Variants in ZRANB3 observed in about 807,000 individuals in gnomAD.
ZRANB3 encodes zinc finger RANBP2-type containing 3, also known as DNA annealing helicase and endonuclease ZRANB3.
Under a neutral mutation model 133.8 loss-of-function variants are expected in ZRANB3, and 125 were observed. That is an observed-to-expected ratio of 0.93 (90% confidence interval 0.81 to 1.08). The LOEUF (loss-of-function observed/expected upper bound fraction) is 1.08. Among genes scored for constraint, ZRANB3 ranks in the 50% least tolerant of loss-of-function variants. ZRANB3 has a pLI of 0.00. For missense variants in ZRANB3, 1,229 were observed against 1,275.5 expected, an observed-to-expected ratio of 0.96 and a Z score of 0.56; for synonymous variants, 387 against 432.7, an observed-to-expected ratio of 0.89 and a Z score of 1.31.
chr2:135,339,425 AC>A lies in ZRANB3; in HGVS notation c.677+6124del, dbSNP rs1573937372. ...TCTGAAAAAAAAAACAACAAAAAAA[AC>A]AAAGAATTAGCCAGACATGGTAGTG... On this transcript the variant is annotated intron_variant, in intron 6 of 20. Transcript: ENST00000264159. Among the ~76,000 whole-genome samples the A allele has an allele frequency of 2.0e-5, 3 of 151,836 alleles. No individual in the cohort carries two copies. The South Asian group carries it at 6.2e-4, about 32-fold the overall frequency.
At position 135,242,086 on chromosome 2, in the gene ZRANB3, C is replaced by T. The variant is rs768557887; in HGVS notation, c.1540-11159G>A. The stretch of plus-strand genomic sequence containing the variant: ...TCCAGCTTCTTGGGAGGCTGAGGCA[C>T]GAGAATCGCTTGAACTCAGGAAGCA... On this transcript the variant is annotated intron_variant, in intron 12 of 20. Transcript: ENST00000264159. Among the ~76,000 whole-genome samples, 3 of 151,608 alleles carry T rather than the reference C, an allele frequency of 2.0e-5. No individual in the cohort carries two copies. In the South Asian group the frequency reaches 6.2e-4, roughly 32 times the overall value.
chr2:135,205,273 A>G (rs1314155631), intron 19 of ZRANB3, among the ~76,000 whole-genome samples: 1 of 152,150 alleles, frequency 6.6e-6, no homozygotes, highest in Non-Finnish European at 1.5e-5. Flanking sequence ...ACATTACAAA[A>G]TTACATTTTA....
intron 2 of ZRANB3, among the ~76,000 whole-genome samples, chr2:135,488,819 T>A (rs189486258): frequency 3.3e-5 from 5 of 150,360 alleles, no homozygotes; most frequent in African/African-American, 1.3e-4. Flanking sequence ...TGCTATATAA[T>A]CAAATATAGC....
intron 2 of ZRANB3, among the ~76,000 whole-genome samples, chr2:135,501,305 A>G (rs1300801768): frequency 6.6e-6 from 1 of 152,172 alleles, no homozygotes; most frequent in African/African-American, 2.4e-5. Flanking sequence ...CACTAAATTC[A>G]CACTGTTAAC....
chr2:135,320,370 A>G (rs1200665254), intron 6 of ZRANB3, among the ~76,000 whole-genome samples: 2 of 152,238 alleles, frequency 1.3e-5, no homozygotes, highest in African/African-American at 4.8e-5. Flanking sequence ...TATAAGCAGT[A>G]TGCTTTGGGG....
rs551855587 is a variant in ZRANB3, at chr2:135,512,751, T to G, written c.-7-8255A>C. ...TAAAATAAAGAAAAGCATTTTATAA[T>G]GATAAAAGATTTATTAGAAAAATTT... On this transcript the variant is annotated intron_variant, in intron 1 of 20. Transcript: ENST00000264159. Among the ~76,000 whole-genome samples, 9 of 151,942 alleles carry G rather than the reference T, an allele frequency of 5.9e-5. No homozygotes were observed. In the East Asian group the frequency reaches 1.7e-3, roughly 29 times the overall value.
intron 6 of ZRANB3, among the ~76,000 whole-genome samples, chr2:135,328,586 G>A (rs1342651654): frequency 6.6e-6 from 1 of 152,140 alleles, no homozygotes; most frequent in African/African-American, 2.4e-5. Context: ...CCAGAAATGG[G>A]ATCACTGGGT....
chr2:135,488,488 T>G (rs1200245033), intron 2 of ZRANB3, among the ~76,000 whole-genome samples: 2 of 151,400 alleles, frequency 1.3e-5, no homozygotes, highest in Non-Finnish European at 2.9e-5. Context: ...TAATCAAATA[T>G]AGCATACTAT....
chr2:135,370,589 A>T (rs1458641307), intron 3 of ZRANB3, among the ~76,000 whole-genome samples: 1 of 152,216 alleles, frequency 6.6e-6, no homozygotes, highest in Non-Finnish European at 1.5e-5. Flanking sequence ...TAAAAGTTAG[A>T]TTAATCAATG....
chr2:135,449,477 A>G (rs1232054991), intron 2 of ZRANB3, among the ~76,000 whole-genome samples: 1 of 151,960 alleles, frequency 6.6e-6, no homozygotes, highest in Non-Finnish European at 1.5e-5. Context: ...AAAATTAGCC[A>G]AGTGTGGTGG....
chr2:135,372,550 C>A (rs994493963), intron 3 of ZRANB3, among the ~76,000 whole-genome samples: 6 of 152,084 alleles, frequency 3.9e-5, no homozygotes, highest in Non-Finnish European at 8.8e-5. Context: ...GTAATCCCAG[C>A]ACTTTGGGAG....
chr2:135,241,280 T>C (rs1695538710), intron 12 of ZRANB3, among the ~76,000 whole-genome samples: 1 of 152,034 alleles, frequency 6.6e-6, no homozygotes, highest in African/African-American at 2.4e-5. Context: ...AGTTTTCCTC[T>C]ACTTATCTTT....
intron 2 of ZRANB3, among the ~76,000 whole-genome samples, chr2:135,473,136 T>C (rs1372133377): frequency 6.6e-6 from 1 of 152,184 alleles, no homozygotes; most frequent in Non-Finnish European, 1.5e-5. Flanking sequence ...ACTCTACCCA[T>C]TAAATGATAA....
intron 1 of ZRANB3, among the ~76,000 whole-genome samples, chr2:135,519,764 T>C (rs763963232): frequency 5.9e-5 from 9 of 152,180 alleles, no homozygotes; most frequent in Non-Finnish European, 1.2e-4. Context: ...ATAGTAAATA[T>C]ATTATTACAT....
intron 2 of ZRANB3, among the ~76,000 whole-genome samples, chr2:135,460,043 A>G (rs778125150): frequency 2.2e-4 from 33 of 152,280 alleles, no homozygotes; most frequent in Admixed American, 7.2e-4. Context: ...ACACATCAGA[A>G]TATTCAAGGG....
intron 2 of ZRANB3, among the ~76,000 whole-genome samples, chr2:135,466,382 CAAAAAAAAAAA>C (rs553890734): frequency 0.13 from 3,596 of 28,364 alleles, 106 homozygotes; most frequent in African/African-American, 0.21. Context: ...GACTCCGTCA[CAAAAAAAAAAA>C]AAAAAAAAAA....
rs769479192 is a variant in ZRANB3, at chr2:135,353,546, G to A, written c.263C>T (p.Ser88Leu). ...TTCTGTCCAAGGGTACCTCAGAGAC[G>A]AAGGGACCACTATTAACAGAGGCCA... ...EEWPLLIVVP[S>L]SLRYPWTEEI... Residue 88 changes from serine to leucine, a missense_variant, in exon 4 of 21, where the codon TCG becomes TTG. By Grantham distance (145) the Ser-to-Leu change is moderately radical (BLOSUM62 -2). Transcript: ENST00000264159. 25 of 1,610,212 alleles carry A rather than the reference G, an allele frequency of 1.6e-5. No homozygotes were observed. The highest frequency in any genetic ancestry group is 1.2e-4 in the Admixed American group (7 of 59,798).
intron 6 of ZRANB3, among the ~76,000 whole-genome samples, chr2:135,317,303 T>C (rs1164098990): frequency 6.6e-6 from 1 of 152,124 alleles, no homozygotes; most frequent in African/African-American, 2.4e-5. Context: ...TCTGCACCTA[T>C]TTTTCCATTC....
rs114546441 is a variant in ZRANB3 at position 135,214,486 on chromosome 2, C to T, written c.2495+2979G>A. 2.4e-3 allele frequency among the ~76,000 whole-genome samples: 359 copies of T among 152,070 alleles called. 1 individual carries two copies. The highest frequency in any genetic ancestry group is 8.0e-3 in the African/African-American group (333 of 41,480). On this transcript the variant is annotated intron_variant, in intron 17 of 20. Coordinates refer to ENST00000264159, the MANE Select transcript of ZRANB3 (RefSeq NM_032143.4). Reference sequence around the variant, plus strand: ...GATCAGTCACCTTTCTCAGTTGGTACTTTAAGTGGTCATCCATGTCCGATG... The same window carrying T: ...GATCAGTCACCTTTCTCAGTTGGTATTTTAAGTGGTCATCCATGTCCGATG...
Sources: gnomAD v4.1 joint callset for allele counts (sites outside exome capture counted in the v4.1 genomes callset) on GRCh38, gnomAD v4.1.1 for gene constraint, MANE v1.5 for transcripts, NCBI Gene and HGNC (gene_info 2026-07-23, HGNC 2026-07-21) for gene names.